R3HDM4: variants seen among roughly 807,000 people sequenced by gnomAD.
R3HDM4 encodes the protein R3H domain containing 4.
A neutral mutation model predicts 31.3 loss-of-function variants in R3HDM4; 30 were observed. The ratio of observed to expected loss-of-function variants is 0.96; its 90% CI spans 0.72 to 1.30. The LOEUF (loss-of-function observed/expected upper bound fraction) is 1.30. Ranked by LOEUF, R3HDM4 falls within the 50% of genes most tolerant of loss-of-function variation. The probability of loss-of-function intolerance (pLI) is 0.00; values close to 1 mark genes in which losing one functional copy is unlikely to be tolerated. For missense variants in R3HDM4, 444 were observed against 366.1 expected, an observed-to-expected ratio of 1.21 and a Z score of -1.74; for synonymous variants, 196 against 156.6, an observed-to-expected ratio of 1.25 and a Z score of -1.88.
intron 1 of R3HDM4, chr19:902,439 G>GAA (rs757619206): frequency 6.1e-5 from 10 of 163,886 alleles, no homozygotes; most frequent in South Asian, 3.9e-4. Context: ...GCAAGACTAT[G>GAA]AAAAAAAAAA....
At chr19:902,173 C>T in intron 1 of R3HDM4, 43 bp from the exon 2 acceptor site, 1 of 1,604,328 alleles carries the variant, frequency 6.2e-7, no homozygotes, top group Non-Finnish European at 8.5e-7. Flanking sequence ...CAAGGCCGGC[C>T]AGGATCTCCG....
At position 897,419 on chromosome 19, in the gene R3HDM4, G is replaced by T. The variant is rs766874602; in HGVS notation, c.*18C>A. ...GATGGCTGGGCGAGGTGGCAGCGGGGTCTCCGCGGGGCCGCCATCAGCTGT... is the reference window on the plus strand; with the variant it reads ...GATGGCTGGGCGAGGTGGCAGCGGGTTCTCCGCGGGGCCGCCATCAGCTGT... On this transcript the variant is annotated 3_prime_UTR_variant, in exon 8 of 8. Transcript: ENST00000361574. 7.7e-6 allele frequency: 12 copies of T among 1,560,048 alleles called. No individual in the cohort carries two copies. Among genetic ancestry groups the T allele is most frequent in the Non-Finnish European group, 1.0e-5 (12 of 1,149,274 alleles).
intron 1 of R3HDM4, among the ~76,000 whole-genome samples, chr19:909,316 G>A (rs912974725): frequency 6.6e-6 from 1 of 152,154 alleles, no homozygotes; most frequent in Non-Finnish European, 1.5e-5. Flanking sequence ...ACCGACTTGT[G>A]CATCAGGAAG....
At chr19:905,104 A>C (rs1429534761) in intron 1 of R3HDM4, among the ~76,000 whole-genome samples, 1 of 152,076 alleles carries the variant, frequency 6.6e-6, no homozygotes, top group Non-Finnish European at 1.5e-5. Context: ...GTTACACAGG[A>C]GGCTGAGGCA....
intron 1 of R3HDM4, among the ~76,000 whole-genome samples, chr19:903,647 T>A (rs2036865947): frequency 6.6e-6 from 1 of 152,160 alleles, no homozygotes; most frequent in South Asian, 2.1e-4. Flanking sequence ...CCCAGCACTT[T>A]GGGAGCCCAA....
intron 1 of R3HDM4, among the ~76,000 whole-genome samples, chr19:903,466 C>T (rs1027118836): frequency 1.3e-5 from 2 of 151,510 alleles, no homozygotes; most frequent in African/African-American, 2.4e-5. Flanking sequence ...TGGGGGTAAG[C>T]GCGCACCGCA....
rs1198251255 is a variant in R3HDM4 at position 900,858 on chromosome 19, C to G, written c.446G>C (p.Gly149Ala). ...DEGRSKARRR[G>A]PGRGEDRRRE... ...CCTCCGGTCCTCCCCACGGCCAGGG[C>G]CCCTCCTCCGCGCCTTGCTCCTGCC... Residue 149 changes from glycine to alanine, a missense_variant, in exon 4 of 8, where the codon GGC becomes GCC. By Grantham distance (60) the Gly-to-Ala change is moderately conservative. Transcript: ENST00000361574. 3.9e-6 allele frequency: 6 copies of G among 1,549,780 alleles called. No individual in the cohort carries two copies. Among genetic ancestry groups the G allele is most frequent in the Middle Eastern group, 2.1e-4 (1 of 4,760 alleles).
At chr19:905,437 G>A (rs1205706757) in intron 1 of R3HDM4, among the ~76,000 whole-genome samples, 5 of 150,684 alleles carry the variant, frequency 3.3e-5, no homozygotes, top group African/African-American at 9.8e-5. Flanking sequence ...CCCAGGAGAC[G>A]GAGGTTGCGG....
In R3HDM4 at chr19:899,458, T is replaced by C. The variant is rs773341441; in HGVS notation, c.685A>G (p.Met229Val). The C allele has an allele frequency of 9.3e-6, 15 of 1,613,672 alleles. No homozygotes were observed. Among genetic ancestry groups the C allele is most frequent in the Non-Finnish European group, 1.2e-5 (14 of 1,179,952 alleles). The change falls in exon 7 of 8, where the codon ATG becomes GTG. Residue 229 changes from methionine (M) to valine (V), a missense_variant. Physicochemically the swap from Met to Val is conservative, Grantham distance 21 (BLOSUM62 1). Coordinates refer to ENST00000361574, the MANE Select transcript of R3HDM4 (RefSeq NM_138774.4). This position sits in a 1 kb window ranked among gnomAD's most constrained non-coding sequence, Gnocchi z 6.8. ...CACTTACTGGCCGAGATGAGGTCCA[T>C]GTACTGGCAGACAGCGTGCAGCAGA... Reference protein sequence around the residue: ...RLLLHAVCQYMDLISASADLE... With the variant: ...RLLLHAVCQYVDLISASADLE...
At chr19:903,193 A>G (rs2036858388) in intron 1 of R3HDM4, among the ~76,000 whole-genome samples, 1 of 151,684 alleles carries the variant, frequency 6.6e-6, no homozygotes, top group South Asian at 2.1e-4. Flanking sequence ...CAGAGGAGCC[A>G]GAAAACAGCC....
intron 1 of R3HDM4, among the ~76,000 whole-genome samples, chr19:909,944 T>C (rs1314330604): frequency 6.6e-6 from 1 of 151,276 alleles, no homozygotes; most frequent in Non-Finnish European, 1.5e-5. Context: ...CAGCACTTTG[T>C]GAGCCCAAGG....
intron 1 of R3HDM4, among the ~76,000 whole-genome samples, chr19:910,936 G>C (rs990830957): frequency 6.6e-6 from 1 of 151,492 alleles, no homozygotes; most frequent in Non-Finnish European, 1.5e-5. Flanking sequence ...TGGCTCACAC[G>C]GCAAAACCCC....
intron 7 of R3HDM4, among the ~76,000 whole-genome samples, chr19:898,372 T>A (rs1373760943): frequency 2.4e-5 from 3 of 127,370 alleles, no homozygotes. Flanking sequence ...GCCACTGCAC[T>A]CCAGCATGGG....
chr19:905,496 A>C (rs1210384348), intron 1 of R3HDM4, among the ~76,000 whole-genome samples: 3 of 130,242 alleles, frequency 2.3e-5, no homozygotes, highest in Non-Finnish European at 3.2e-5. Context: ...CAAGAGTGAA[A>C]CTCTGTCTCA....
chr19:908,591 C>G (rs2036934247), intron 1 of R3HDM4, among the ~76,000 whole-genome samples: 1 of 151,934 alleles, frequency 6.6e-6, no homozygotes, highest in Non-Finnish European at 1.5e-5. Flanking sequence ...GGCTGGGTGA[C>G]AGAATGAGAC....
intron 2 of R3HDM4, chr19:901,769 C>T: frequency 2.4e-6 from 1 of 419,418 alleles, no homozygotes; most frequent in Non-Finnish European, 4.4e-6. Context: ...GCCCGGGGCG[C>T]CCTCCCACCC....
chr19:913,172 C>T lies in R3HDM4; in HGVS notation c.-15G>A, dbSNP rs746242011. 6.9e-5 allele frequency: 73 copies of T among 1,053,026 alleles called. No homozygotes were observed. Among genetic ancestry groups the T allele is most frequent in the Middle Eastern group, 8.7e-4 (2 of 2,290 alleles). The allele number at this position is 1,053,026 out of a possible 1,614,324, so 65.2% of individuals were successfully genotyped here. A position where few individuals can be genotyped will look rare whatever the true frequency, so the allele number is the denominator to read the frequency against. ...AGCGCGACCATGGCTCGCACGCTGT[C>T]GCCGCCGCCGCCGCCCGGCAGGGCC... On this transcript the variant is annotated 5_prime_UTR_variant, in exon 1 of 8. Transcript: ENST00000361574. The surrounding 1 kb of genome is among the most constrained non-coding windows in gnomAD (Gnocchi z 5.0).
At position 907,155 on chromosome 19, in the gene R3HDM4, C is replaced by T. The variant is rs1054395041; in HGVS notation, c.72-5025G>A. On this transcript the variant is annotated intron_variant, in intron 1 of 7. Transcript: ENST00000361574. This position sits in a 1 kb window ranked among gnomAD's most constrained non-coding sequence, Gnocchi z 4.1. ...TGTAAACCAAGGCACAAAGTCACCG[C>T]CCAAGCTCCCATTGCTGCAAAGAGG... Among the ~76,000 whole-genome samples, 3 of 152,182 alleles carry T rather than the reference C, an allele frequency of 2.0e-5. No individual in the cohort carries two copies. Among genetic ancestry groups the T allele is most frequent in the Non-Finnish European group, 4.4e-5 (3 of 68,036 alleles).
chr19:901,692 A>T (rs910476400), intron 2 of R3HDM4, 146 bp from the exon 3 acceptor site: 13 of 1,065,380 alleles, frequency 1.2e-5, no homozygotes, highest in Non-Finnish European at 1.7e-5. Context: ...GAAGGTACAG[A>T]GACCACCTAG....
Sources: gnomAD v4.1 joint callset for allele counts (sites outside exome capture counted in the v4.1 genomes callset) on GRCh38, gnomAD v4.1.1 for gene constraint, Gnocchi (gnomAD v3.1) non-coding constraint, MANE v1.5 for transcripts, NCBI Gene and HGNC (gene_info 2026-07-23, HGNC 2026-07-21) for gene names.